SH3RF3: variants seen among roughly 807,000 people sequenced by gnomAD.
SH3RF3 encodes the protein SH3 domain containing ring finger 3.
In SH3RF3, 29 loss-of-function variants were observed where a neutral mutation model predicts 66.3. That is an observed-to-expected ratio of 0.44 (90% CI 0.33 to 0.60). SH3RF3 has a LOEUF of 0.60. Among genes scored for constraint, SH3RF3 ranks in the 20% least tolerant of loss-of-function variants. The pLI, the probability that SH3RF3 is intolerant of heterozygous loss-of-function variation, is 0.04. For missense variants in SH3RF3, 1,194 were observed against 1,190.9 expected, an observed-to-expected ratio of 1.00 and a Z score of -0.04; for synonymous variants, 583 against 532.0, an observed-to-expected ratio of 1.10 and a Z score of -1.32.
intron 8 of SH3RF3, among the ~76,000 whole-genome samples, chr2:109,484,294 T>C (rs1484786271): frequency 6.6e-6 from 1 of 152,162 alleles, no homozygotes. Context: ...CTCGAACTCC[T>C]GACCTGAGGT....
chr2:109,432,668 C>T lies in SH3RF3; in HGVS notation c.1571C>T (p.Ser524Phe). 1 of 1,611,030 alleles carries T rather than the reference C, an allele frequency of 6.2e-7. No individual in the cohort carries two copies. ...CCCGGAAACTACGTGACACCCGTTTCCAGGTGAGGGCATGGTGGTGGCAGC... is the reference window on the plus strand; with the variant it reads ...CCCGGAAACTACGTGACACCCGTTTTCAGGTGAGGGCATGGTGGTGGCAGC... ...VFPGNYVTPVSRVPAGGAGPP... is the reference protein window; with the variant it reads ...VFPGNYVTPVFRVPAGGAGPP... Residue 524 changes from serine (S) to phenylalanine (F), a missense_variant, in exon 6 of 10, where the codon TCC becomes TTC. Coordinates refer to ENST00000309415, the MANE Select transcript of SH3RF3 (RefSeq NM_001099289.3).
chr2:109,267,378 T>C (rs367628442), intron 1 of SH3RF3, among the ~76,000 whole-genome samples: 17 of 152,150 alleles, frequency 1.1e-4, no homozygotes, highest in African/African-American at 3.9e-4. Flanking sequence ...ACTGTGCGCT[T>C]TGTACAAGTG....
chr2:109,193,186 A>T (rs529579565), intron 1 of SH3RF3, among the ~76,000 whole-genome samples: 109 of 152,338 alleles, frequency 7.2e-4, no homozygotes, highest in African/African-American at 2.5e-3. Context: ...AACTGGAATC[A>T]GGGCAAATTG....
At chr2:109,334,376 A>T (rs1410633335) in intron 1 of SH3RF3, among the ~76,000 whole-genome samples, 1 of 127,962 alleles carries the variant, frequency 7.8e-6, no homozygotes, top group African/African-American at 3.6e-5. Context: ...AAAAAAAAAA[A>T]ATCTTAAAAA....
chr2:109,150,532 A>G (rs1240769807), intron 1 of SH3RF3, among the ~76,000 whole-genome samples: 3 of 152,238 alleles, frequency 2.0e-5, no homozygotes, highest in Non-Finnish European at 4.4e-5. Flanking sequence ...TTAACCACAC[A>G]GTGGGACAGG....
At chr2:109,292,232 A>G (rs1574554303) in intron 1 of SH3RF3, among the ~76,000 whole-genome samples, 1 of 152,250 alleles carries the variant, frequency 6.6e-6, no homozygotes, top group African/African-American at 2.4e-5. Context: ...AAAATTTGTA[A>G]TGTATAAATG....
At chr2:109,340,934 C>T (rs946978389) in intron 1 of SH3RF3, among the ~76,000 whole-genome samples, 8 of 152,214 alleles carry the variant, frequency 5.3e-5, no homozygotes, top group African/African-American at 1.9e-4. Context: ...TTTAAATCCT[C>T]TCCAATCTGG....
intron 1 of SH3RF3, among the ~76,000 whole-genome samples, chr2:109,249,883 AC>A (rs1680043818): frequency 6.6e-6 from 1 of 150,488 alleles, no homozygotes. Context: ...ACGGGGTTTC[AC>A]TGTGTTAGCC....
chr2:109,239,950 C>G (rs988171874), intron 1 of SH3RF3, among the ~76,000 whole-genome samples: 2 of 152,186 alleles, frequency 1.3e-5, no homozygotes, highest in Admixed American at 6.5e-5. Flanking sequence ...AAAATGTGCT[C>G]TAGTTGTAGT....
chr2:109,131,507 C>T (rs939658807), intron 1 of SH3RF3, among the ~76,000 whole-genome samples: 1 of 152,058 alleles, frequency 6.6e-6, no homozygotes, highest in Non-Finnish European at 1.5e-5. Flanking sequence ...ATGTGATATT[C>T]GGAGCCCCGC....
chr2:109,384,852 A>C (rs566455505), intron 3 of SH3RF3, among the ~76,000 whole-genome samples: 15 of 152,194 alleles, frequency 9.9e-5, no homozygotes, highest in Non-Finnish European at 2.2e-4. Context: ...GATGGTTCCC[A>C]TGTGGCTTCT....
rs140820656 is a variant in SH3RF3, at chr2:109,337,328, C to T, written c.574-10346C>T. Among the ~76,000 whole-genome samples, 1,336 of 152,346 alleles carry T rather than the reference C, an allele frequency of 8.8e-3. 8 individuals carry two copies. The highest frequency in any genetic ancestry group is 0.017 in the Middle Eastern group (5 of 294). ...CGGGAGCCCTGGGTGCAGGGTGCAT[C>T]GGGCTGCTGGCCCCATTGTGGCCCT... On this transcript the variant is annotated intron_variant, in intron 1 of 9. Transcript: ENST00000309415.
At chr2:109,372,151 G>A (rs914910508) in intron 3 of SH3RF3, among the ~76,000 whole-genome samples, 9 of 152,226 alleles carry the variant, frequency 5.9e-5, no homozygotes, top group Admixed American at 2.0e-4. Context: ...CAGGGTTATT[G>A]GGCAACTCTT....
chr2:109,410,426 T>C (rs1284669201), intron 4 of SH3RF3, among the ~76,000 whole-genome samples: 2 of 152,158 alleles, frequency 1.3e-5, no homozygotes, highest in Non-Finnish European at 2.9e-5. Context: ...CCCCTGCAGC[T>C]CCGTGCACCC....
intron 1 of SH3RF3, among the ~76,000 whole-genome samples, chr2:109,278,166 G>A (rs898229071): frequency 3.4e-5 from 5 of 145,742 alleles, no homozygotes; most frequent in African/African-American, 1.3e-4. Flanking sequence ...GATAGAGCAA[G>A]ACCCAATCTT....
rs368300813 is a variant in SH3RF3, at chr2:109,347,656, G to T, written c.574-18G>T. The T allele has an allele frequency of 3.2e-5, 51 of 1,611,038 alleles. No homozygotes were observed. The highest frequency in any genetic ancestry group is 4.2e-5 in the Non-Finnish European group (50 of 1,177,902). The stretch of plus-strand genomic sequence containing the variant: ...GAAGGGGCATGCCCGGTGACCACAT[G>T]CTGTCTGTTGCTTGCAGAATCCCTG... On this transcript the variant is annotated intron_variant, in intron 1 of 9. Transcript: ENST00000309415.
intron 1 of SH3RF3, among the ~76,000 whole-genome samples, chr2:109,206,006 G>C (rs1678800502): frequency 1.3e-5 from 2 of 152,184 alleles, no homozygotes; most frequent in South Asian, 2.1e-4. Context: ...AGGCCAAGTA[G>C]TAGTTGGAGA....
intron 1 of SH3RF3, among the ~76,000 whole-genome samples, chr2:109,297,825 C>T (rs753725895): frequency 6.6e-6 from 1 of 152,136 alleles, no homozygotes; most frequent in Non-Finnish European, 1.5e-5. Flanking sequence ...GTGCTCCTCA[C>T]CAGGACAGTG....
intron 1 of SH3RF3, among the ~76,000 whole-genome samples, chr2:109,219,367 A>G (rs148300969): frequency 6.6e-6 from 1 of 152,300 alleles, no homozygotes; most frequent in African/African-American, 2.4e-5. Context: ...TTTCACCATC[A>G]CTTAATAAAA....
Sources: allele counts gnomAD v4.1 joint callset (sites outside exome capture counted in the v4.1 genomes callset), GRCh38; gene constraint gnomAD v4.1.1; transcripts MANE v1.5; gene names NCBI Gene and HGNC (gene_info 2026-07-23, HGNC 2026-07-21).